LRRC4C: variants seen among roughly 807,000 people sequenced by gnomAD.
LRRC4C encodes the protein leucine-rich repeat-containing protein 4C.
LRRC4C carries 5 observed loss-of-function variants against 33.6 expected under a neutral mutation model. The observed-to-expected ratio is 0.15, with a 90% CI of 0.08 to 0.31. The LOEUF is 0.31. LRRC4C is among the 10% of genes least tolerant of loss of function. The probability of loss-of-function intolerance (pLI) is 1.00; values close to 1 mark genes in which losing one functional copy is unlikely to be tolerated. For missense variants in LRRC4C, 560 were observed against 796.7 expected (o/e 0.70, Z 3.58); for synonymous variants, 329 against 302.0 (o/e 1.09, Z -0.93).
At chr11:41,299,303 A>G (rs542020223) in intron 1 of LRRC4C, among the ~76,000 whole-genome samples, 7 of 152,172 alleles carry the variant, frequency 4.6e-5, no homozygotes, top group Non-Finnish European at 1.0e-4. Flanking sequence ...TAAAAACAAT[A>G]ATATCAAACT....
chr11:40,681,942 G>A (rs573061506), intron 2 of LRRC4C, among the ~76,000 whole-genome samples: 5 of 152,186 alleles, frequency 3.3e-5, no homozygotes, highest in African/African-American at 1.2e-4. Context: ...TGGGAACTTT[G>A]GGGGAAGAGT....
At chr11:41,373,819 A>G (rs1291801080) in intron 1 of LRRC4C, among the ~76,000 whole-genome samples, 1 of 152,184 alleles carries the variant, frequency 6.6e-6, no homozygotes, top group Non-Finnish European at 1.5e-5. Flanking sequence ...AAAGAAATAG[A>G]ATTTTCAATA....
chr11:41,149,260 C>T (rs1943873657), intron 1 of LRRC4C, among the ~76,000 whole-genome samples: 1 of 152,184 alleles, frequency 6.6e-6, no homozygotes, highest in South Asian at 2.1e-4. Flanking sequence ...AATCCCAGCA[C>T]TTTGGGAGGC....
chr11:41,387,118 G>A (rs2137953699), intron 1 of LRRC4C, among the ~76,000 whole-genome samples: 1 of 151,708 alleles, frequency 6.6e-6, no homozygotes, highest in South Asian at 2.1e-4. Context: ...AGGCTCCTGG[G>A]GTCAAATGTC....
chr11:41,448,152 C>CTTTTTTTT (rs1955896748), intron 1 of LRRC4C, among the ~76,000 whole-genome samples: 2 of 33,562 alleles, frequency 6.0e-5, no homozygotes, highest in South Asian at 6.8e-4. Context: ...TGGAGCTTTA[C>CTTTTTTTT]TTCATCAGTG....
At chr11:40,603,742 G>T (rs562921440) in intron 3 of LRRC4C, among the ~76,000 whole-genome samples, 4 of 152,318 alleles carry the variant, frequency 2.6e-5, no homozygotes, top group Admixed American at 2.6e-4. Context: ...CAATTTATCT[G>T]TAATTTAGAG....
At chr11:40,620,955 G>A (rs1030289672) in intron 3 of LRRC4C, among the ~76,000 whole-genome samples, 1 of 151,678 alleles carries the variant, frequency 6.6e-6, no homozygotes, top group Admixed American at 6.6e-5. Flanking sequence ...CATTTCCTGT[G>A]CTCTACAGGC....
intron 6 of LRRC4C, among the ~76,000 whole-genome samples, chr11:40,124,626 TAGAG>T (rs1856070028): frequency 6.6e-6 from 1 of 152,050 alleles, no homozygotes; most frequent in Non-Finnish European, 1.5e-5. Flanking sequence ...CTAATGGAGA[TAGAG>T]AGCAGAATGA....
intron 2 of LRRC4C, among the ~76,000 whole-genome samples, chr11:40,679,172 T>C (rs1944556080): frequency 6.6e-6 from 1 of 152,138 alleles, no homozygotes. Context: ...TTGTGGAACT[T>C]TGAAGTTGAG....
At chr11:40,974,745 C>G (rs1851963428) in intron 1 of LRRC4C, among the ~76,000 whole-genome samples, 1 of 152,102 alleles carries the variant, frequency 6.6e-6, no homozygotes, top group African/African-American at 2.4e-5. Flanking sequence ...AAACTGCCTG[C>G]AGTGTGAGTG....
At chr11:41,194,538 T>C (rs913373537) in intron 1 of LRRC4C, among the ~76,000 whole-genome samples, 4 of 152,122 alleles carry the variant, frequency 2.6e-5, no homozygotes, top group African/African-American at 9.7e-5. Context: ...ATTTCCCTTG[T>C]TGGCTTCGAG....
chr11:41,109,384 G>A (rs1465701089), intron 1 of LRRC4C, among the ~76,000 whole-genome samples: 1 of 152,010 alleles, frequency 6.6e-6, no homozygotes, highest in Admixed American at 6.6e-5. Context: ...TGAATTTGAA[G>A]AAATTGTCAT....
chr11:40,846,190 C>T (rs1318599515), intron 2 of LRRC4C, among the ~76,000 whole-genome samples: 1 of 152,152 alleles, frequency 6.6e-6, no homozygotes, highest in South Asian at 2.1e-4. Flanking sequence ...TAATTAGATC[C>T]TATTTGCCTA....
In LRRC4C at chr11:40,481,636, T is replaced by C. The variant is rs61886187; in HGVS notation, c.-269-161915A>G. On this transcript the variant is annotated intron_variant, in intron 3 of 6. Coordinates refer to ENST00000528697, the MANE Select transcript of LRRC4C (RefSeq NM_001258419.2). Reference sequence around the variant, plus strand: ...ATTGAATTGGGTTTTATGGACCCCATACAATACTGATTAATTCAACACTTC... The same window carrying C: ...ATTGAATTGGGTTTTATGGACCCCACACAATACTGATTAATTCAACACTTC... Among the ~76,000 whole-genome samples, 990 of 152,232 alleles carry C rather than the reference T, an allele frequency of 6.5e-3. 4 individuals carry two copies. Among genetic ancestry groups the C allele is most frequent in the Middle Eastern group, 0.017 (5 of 294 alleles).
chr11:40,798,645 CT>C (rs11341571), intron 2 of LRRC4C, among the ~76,000 whole-genome samples: 26,106 of 137,552 alleles, frequency 0.19, 3,092 homozygotes, highest in African/African-American at 0.39. Flanking sequence ...TTCTTTCTTT[CT>C]TTTTTTTTTT....
intron 5 of LRRC4C, among the ~76,000 whole-genome samples, chr11:40,200,778 AAAAAAAAAAAG>A (rs1235056064): frequency 2.7e-5 from 4 of 149,446 alleles, no homozygotes; most frequent in Non-Finnish European, 4.4e-5. Flanking sequence ...AAAAAAAAAA[AAAAAAAAAAAG>A]AAAAGAAAAG....
At chr11:40,268,849 A>G (rs757397634) in intron 4 of LRRC4C, among the ~76,000 whole-genome samples, 3 of 152,124 alleles carry the variant, frequency 2.0e-5, no homozygotes, top group African/African-American at 2.4e-5. Flanking sequence ...ATAATTTTAA[A>G]CTTCCTCAGG....
At chr11:40,663,792 G>C (rs1247552350) in intron 2 of LRRC4C, among the ~76,000 whole-genome samples, 1 of 152,116 alleles carries the variant, frequency 6.6e-6, no homozygotes, top group Non-Finnish European at 1.5e-5. Context: ...AAAAATGACG[G>C]AACTAAAATG....
chr11:40,573,193 G>A (rs1252688078), intron 3 of LRRC4C, among the ~76,000 whole-genome samples: 1 of 152,138 alleles, frequency 6.6e-6, no homozygotes, highest in East Asian at 1.9e-4. Flanking sequence ...TCTTTCAGAT[G>A]TTAAAATGAA....
Sources: gnomAD v4.1 joint callset for allele counts (sites outside exome capture counted in the v4.1 genomes callset) on GRCh38, gnomAD v4.1.1 for gene constraint, MANE v1.5 for transcripts, NCBI Gene and HGNC (gene_info 2026-07-23, HGNC 2026-07-21) for gene names.